Variants in PPARGC1A observed in about 807,000 individuals in gnomAD.
PPARGC1A encodes the protein peroxisome proliferator-activated receptor gamma coactivator 1-alpha.
PPARGC1A carries 25 observed loss-of-function variants against 88.7 expected under a neutral mutation model. The ratio of observed to expected loss-of-function variants is 0.28; its 90% CI spans 0.21 to 0.39. The LOEUF (loss-of-function observed/expected upper bound fraction) is 0.39, where lower values mean the gene tolerates loss of function less well. Ranked by LOEUF, PPARGC1A falls within the 10% of genes least tolerant of loss-of-function variation. The pLI, the probability that PPARGC1A is intolerant of heterozygous loss-of-function variation, is 1.00. For missense variants in PPARGC1A, 880 were observed against 968.7 expected (o/e 0.91, Z 1.22); for synonymous variants, 363 against 355.6 (o/e 1.02, Z -0.24).
At chr4:24,369,044 C>T in the PPARGC1A span, among the ~76,000 whole-genome samples, 5 of 152,180 alleles carry the variant, frequency 3.3e-5, no homozygotes, top group Non-Finnish European at 5.9e-5. Context: ...GCCACCATTT[C>T]AGAAGGGGAC....
the PPARGC1A span, among the ~76,000 whole-genome samples, chr4:23,962,255 G>C: frequency 6.6e-6 from 1 of 152,026 alleles, no homozygotes; most frequent in South Asian, 2.1e-4. Context: ...TATATTATGG[G>C]GGAAAGAAAG....
chr4:24,100,547 T>C, the PPARGC1A span, among the ~76,000 whole-genome samples: 5 of 152,208 alleles, frequency 3.3e-5, no homozygotes, highest in African/African-American at 1.2e-4. Flanking sequence ...GACAAGTGCA[T>C]GACGCCGCCT....
the PPARGC1A span, among the ~76,000 whole-genome samples, chr4:24,426,582 T>C: frequency 2.0e-5 from 3 of 152,208 alleles, no homozygotes. Flanking sequence ...CAATAATGTA[T>C]AGTTTTGTGG....
the PPARGC1A span, among the ~76,000 whole-genome samples, chr4:24,405,881 T>C: frequency 4.1e-4 from 63 of 152,258 alleles, no homozygotes; most frequent in Non-Finnish European, 6.3e-4. Context: ...TCCATTTCTG[T>C]CTTCCTCCTT....
chr4:24,259,362 T>C, the PPARGC1A span, among the ~76,000 whole-genome samples: 1 of 152,132 alleles, frequency 6.6e-6, no homozygotes, highest in Non-Finnish European at 1.5e-5. Flanking sequence ...CCAATATTGT[T>C]GCAGTATTTC....
the PPARGC1A span, among the ~76,000 whole-genome samples, chr4:24,245,926 C>T: frequency 1.6e-4 from 2 of 12,410 alleles, no homozygotes; most frequent in African/African-American, 7.0e-4. Context: ...AAGCCATGTG[C>T]ACACACACAC....
the PPARGC1A span, among the ~76,000 whole-genome samples, chr4:24,034,911 C>T: frequency 4.1e-3 from 599 of 147,008 alleles, 11 homozygotes; most frequent in Admixed American, 0.04. Context: ...TATGGAAAAG[C>T]TGCTTTGAAG....
the PPARGC1A span, among the ~76,000 whole-genome samples, chr4:24,052,517 A>G: frequency 1.3e-5 from 2 of 151,898 alleles, no homozygotes; most frequent in Non-Finnish European, 1.5e-5. Context: ...CACACCTGTA[A>G]TCCCAGCTAC....
the PPARGC1A span, among the ~76,000 whole-genome samples, chr4:24,356,527 G>A: frequency 6.6e-6 from 1 of 152,172 alleles, no homozygotes; most frequent in East Asian, 1.9e-4. Flanking sequence ...CAATGTGTCG[G>A]CCACACATAA....
intron 1 of PPARGC1A, among the ~76,000 whole-genome samples, chr4:23,898,877 C>A (rs908536576): frequency 3.4e-5 from 5 of 148,524 alleles, no homozygotes; most frequent in African/African-American, 1.2e-4. Context: ...GCTTTTTTGC[C>A]CAGGCTGGAA....
chr4:24,446,041 G>A, the PPARGC1A span, among the ~76,000 whole-genome samples: 4 of 152,200 alleles, frequency 2.6e-5, no homozygotes, highest in Admixed American at 6.5e-5. Flanking sequence ...ACTCCAGCCT[G>A]CACATCAGAG....
chr4:24,470,108 C>T, the PPARGC1A span, among the ~76,000 whole-genome samples: 1 of 152,068 alleles, frequency 6.6e-6, no homozygotes, highest in Non-Finnish European at 1.5e-5. This position sits in a 1 kb window ranked among gnomAD's most constrained non-coding sequence, Gnocchi z 5.8. Flanking sequence ...GAGGCACGCG[C>T]CTGGAAACTT....
the PPARGC1A span, among the ~76,000 whole-genome samples, chr4:24,368,648 C>T: frequency 6.6e-6 from 1 of 151,882 alleles, no homozygotes; most frequent in African/African-American, 2.4e-5. Context: ...TAATTTATAC[C>T]ACACAAAATA....
the PPARGC1A span, among the ~76,000 whole-genome samples, chr4:23,943,028 C>CT: frequency 3.9e-5 from 6 of 152,212 alleles, no homozygotes; most frequent in South Asian, 1.2e-3. Context: ...ATAATTGAAG[C>CT]TTTTTTTATG....
At chr4:24,136,655 A>C in the PPARGC1A span, among the ~76,000 whole-genome samples, 1 of 152,158 alleles carries the variant, frequency 6.6e-6, no homozygotes, top group South Asian at 2.1e-4. Context: ...GGAATGTTAA[A>C]CAGCCTTTCC....
chr4:24,259,683 G>A, the PPARGC1A span, among the ~76,000 whole-genome samples: 144,171 of 152,294 alleles, frequency 0.95, 68,288 homozygotes, highest in East Asian at 1. Flanking sequence ...TTTTTTATGT[G>A]CTGCTAAATT....
At chr4:24,453,188 G>A in the PPARGC1A span, among the ~76,000 whole-genome samples, 2 of 152,320 alleles carry the variant, frequency 1.3e-5, no homozygotes, top group Admixed American at 6.5e-5. Context: ...TCCCTCATGG[G>A]CCTGAGAAGG....
At chr4:24,130,088 T>G in the PPARGC1A span, among the ~76,000 whole-genome samples, 2 of 152,090 alleles carry the variant, frequency 1.3e-5, no homozygotes, top group African/African-American at 4.8e-5. Flanking sequence ...ACATGGCAAA[T>G]GTATACATAT....
the PPARGC1A span, among the ~76,000 whole-genome samples, chr4:24,131,858 G>A: frequency 2.8e-3 from 422 of 152,272 alleles, 8 homozygotes; most frequent in East Asian, 0.049. Flanking sequence ...CTCTCATGAC[G>A]TAAGCAGAGG....
Sources: allele counts gnomAD v4.1 joint callset (sites outside exome capture counted in the v4.1 genomes callset), GRCh38; gene constraint gnomAD v4.1.1; non-coding constraint Gnocchi (gnomAD v3.1); transcripts MANE v1.5; gene names NCBI Gene and HGNC (gene_info 2026-07-23, HGNC 2026-07-21).